CSF1R: variants seen among roughly 807,000 people sequenced by gnomAD.
CSF1R encodes macrophage colony-stimulating factor 1 receptor.
A neutral mutation model predicts 110.0 loss-of-function variants in CSF1R; 40 were observed. The observed-to-expected ratio is 0.36, with a 90% CI of 0.28 to 0.47. The LOEUF is 0.47. Among genes scored for constraint, CSF1R ranks in the 20% least tolerant of loss-of-function variants. CSF1R has a pLI of 0.99. For synonymous variants in CSF1R, 523 were observed against 503.4 expected (o/e 1.04, Z -0.52); for missense variants, 1,052 against 1,253.0 (o/e 0.84, Z 2.42).
intron 6 of CSF1R, among the ~76,000 whole-genome samples, chr5:150,071,456 A>T (rs1758027212): frequency 6.6e-6 from 1 of 152,226 alleles, no homozygotes; most frequent in Non-Finnish European, 1.5e-5. Flanking sequence ...CTACTACTAG[A>T]CTAAAATCTA....
chr5:150,076,365 TCTATCTATCTAA>T (rs1161187147), intron 5 of CSF1R, among the ~76,000 whole-genome samples: 2 of 145,686 alleles, frequency 1.4e-5, no homozygotes, highest in Non-Finnish European at 3.0e-5. Flanking sequence ...TATCTATCTA[TCTATCTATCTAA>T]TCTATCTATC....
chr5:150,054,326 T>G lies in CSF1R; in HGVS notation c.2759A>C (p.Glu920Ala), dbSNP rs964312276. 6.2e-7 allele frequency: 1 copy of G among 1,613,944 alleles called. No homozygotes were observed. Among genetic ancestry groups the G allele is most frequent in the Admixed American group, 1.7e-5 (1 of 60,006 alleles). ...CCCAAGCCTCACCCCACTCACCCGCTCTCTCCTGTCCTCTTGGGCCTGCTC... is the reference window on the plus strand; with the variant it reads ...CCCAAGCCTCACCCCACTCACCCGCGCTCTCCTGTCCTCTTGGGCCTGCTC... ...LQEQAQEDRR[E>A]RDYTNLPSSS... The change falls in exon 20 of 21, where the codon GAG (glutamate) becomes GCG (alanine). Residue 920 changes from glutamate to alanine, a missense_variant. Physicochemically the swap from Glu to Ala is moderately radical, Grantham distance 107 (BLOSUM62 -1). This residue lies in a region of CSF1R where 85 missense variants were observed against 78.8 expected (regional missense o/e 1.08). Transcript: ENST00000675795.
chr5:150,089,040 A>T, upstream of CSF1R, among the ~76,000 whole-genome samples: 1 of 152,104 alleles, frequency 6.6e-6, no homozygotes, highest in East Asian at 1.9e-4. Flanking sequence ...ACAAAACAAA[A>T]CCCACCCAAC....
chr5:150,080,913 G>A lies in CSF1R; in HGVS notation c.161C>T (p.Pro54Leu). 1 of 1,614,120 alleles carries A rather than the reference G, an allele frequency of 6.2e-7. No homozygotes were observed. Among genetic ancestry groups the A allele is most frequent in the Non-Finnish European group, 8.5e-7 (1 of 1,179,958 alleles). Reference sequence around the variant, plus strand: ...AGAGTACAGGGTCCAGTGAGGTGATGGGGGGCCATCCCATTCCACGCTGCC... The same window carrying A: ...AGAGTACAGGGTCCAGTGAGGTGATAGGGGGCCATCCCATTCCACGCTGCC... ...GNGSVEWDGP[P>L]SPHWTLYSDG... Residue 54 changes from proline (P) to leucine (L), a missense_variant, in exon 2 of 21, where the codon CCA (proline) becomes CTA (leucine). By Grantham distance (98) the Pro-to-Leu change is moderately conservative. Around this residue, in one of 5 missense-constraint regions of CSF1R, gnomAD observed 693 missense variants for 735.4 expected, o/e 0.94. Coordinates refer to ENST00000675795, the MANE Select transcript of CSF1R (RefSeq NM_001288705.3).
intron 1 of CSF1R, among the ~76,000 whole-genome samples, chr5:150,105,764 C>T (rs1489848428): frequency 1.3e-5 from 2 of 152,126 alleles, no homozygotes; most frequent in East Asian, 1.9e-4. Context: ...TGGCATCAAG[C>T]GATCCTCCTG....
intron 5 of CSF1R, 108 bp from the exon 6 acceptor site, chr5:150,073,601 A>C: frequency 8.9e-7 from 1 of 1,120,972 alleles, no homozygotes; most frequent in Non-Finnish European, 1.3e-6. Flanking sequence ...GCTATGTCAC[A>C]GGTACATAGT....
intron 1 of CSF1R, among the ~76,000 whole-genome samples, chr5:150,104,563 G>T (rs77647608): frequency 6.6e-6 from 1 of 152,320 alleles, no homozygotes; most frequent in South Asian, 2.1e-4. Flanking sequence ...AAGGCAGCAC[G>T]CCCAGTGCTC....
chr5:150,105,359 AAAAAAT>A (rs1342813067), intron 1 of CSF1R, among the ~76,000 whole-genome samples: 3 of 103,116 alleles, frequency 2.9e-5, no homozygotes, highest in African/African-American at 8.8e-5. Flanking sequence ...AAAAAAAAAA[AAAAAAT>A]ATATATATAT....
intron 1 of CSF1R, among the ~76,000 whole-genome samples, chr5:150,101,622 G>C (rs1290612117): frequency 6.6e-6 from 1 of 151,338 alleles, no homozygotes; most frequent in Non-Finnish European, 1.5e-5. Context: ...GGCGGTGCTG[G>C]CAATCCCCTC....
chr5:150,082,685 TC>T (rs558833289), intron 1 of CSF1R, among the ~76,000 whole-genome samples: 190 of 152,372 alleles, frequency 1.2e-3, no homozygotes, highest in African/African-American at 4.5e-3. Flanking sequence ...TCTTGGTTCT[TC>T]CCTTACCAGC....
At chr5:150,108,798 C>T (rs752333716) in intron 1 of CSF1R, among the ~76,000 whole-genome samples, 3 of 151,182 alleles carry the variant, frequency 2.0e-5, no homozygotes, top group Admixed American at 6.6e-5. Context: ...CAGGAGAAGG[C>T]GAGGAGCCCT....
chr5:150,104,340 C>G (rs1759486140), intron 1 of CSF1R, among the ~76,000 whole-genome samples: 1 of 152,262 alleles, frequency 6.6e-6, no homozygotes, highest in African/African-American at 2.4e-5. Context: ...GTCTCTGTCC[C>G]CACGATCAAA....
intron 1 of CSF1R, among the ~76,000 whole-genome samples, chr5:150,096,751 C>T (rs971719163): frequency 6.6e-5 from 10 of 152,162 alleles, no homozygotes; most frequent in Non-Finnish European, 1.2e-4. Context: ...TTAATAGCTG[C>T]AGAATAATGC....
Position 150,068,236 on chromosome 5 carries a change from C to T in CSF1R, c.1605G>A (p.Leu535=). Residue 535 remains leucine (L), a synonymous_variant, in exon 10 of 21, where the codon CTG becomes CTA. Coordinates refer to ENST00000675795, the MANE Select transcript of CSF1R (RefSeq NM_001288705.3). ...IMALLLLLLL[L]LLYKYKQKPK... ...TCACCTGCTTATACTTGTACAATAG[C>T]AGCAGGAGCAGCAGCAGCAGCAAGG... is the stretch of plus-strand genomic sequence containing the variant. The T allele has an allele frequency of 3.1e-6, 5 of 1,611,914 alleles. No homozygotes were observed. Among genetic ancestry groups the T allele is most frequent in the Non-Finnish European group, 4.2e-6 (5 of 1,179,842 alleles).
chr5:150,084,640 G>C (rs577277131), intron 1 of CSF1R, among the ~76,000 whole-genome samples: 40 of 151,846 alleles, frequency 2.6e-4, no homozygotes. Flanking sequence ...TTTTAGTAGA[G>C]AGGGGGCTTC....
chr5:150,083,973 C>T (rs1340100062), intron 1 of CSF1R, among the ~76,000 whole-genome samples: 1 of 152,102 alleles, frequency 6.6e-6, no homozygotes, highest in Non-Finnish European at 1.5e-5. Flanking sequence ...TGGCACAGAC[C>T]ACAGAATGTT....
intron 10 of CSF1R, among the ~76,000 whole-genome samples, chr5:150,065,292 C>CT (rs1757712096): frequency 6.6e-6 from 1 of 152,006 alleles, no homozygotes; most frequent in Non-Finnish European, 1.5e-5. Flanking sequence ...TTTGGGGACC[C>CT]TCCTGTTGCT....
intron 1 of CSF1R, among the ~76,000 whole-genome samples, chr5:150,092,390 G>A (rs1333510594): frequency 6.6e-6 from 1 of 152,202 alleles, no homozygotes; most frequent in Non-Finnish European, 1.5e-5. Context: ...TAACCCTGGT[G>A]TATGCCTGAA....
intron 10 of CSF1R, 122 bp from the exon 11 acceptor site, chr5:150,061,971 C>G (rs1225662360): frequency 1.5e-6 from 2 of 1,357,984 alleles, no homozygotes; most frequent in East Asian, 2.3e-5. Context: ...GAAGGCAGGG[C>G]AAGGCCTGCT....
Sources: allele counts gnomAD v4.1 joint callset (sites outside exome capture counted in the v4.1 genomes callset), GRCh38; gene constraint gnomAD v4.1.1; regional missense constraint gnomAD v4.1.1; transcripts MANE v1.5; gene names NCBI Gene and HGNC (gene_info 2026-07-23, HGNC 2026-07-21).